Variants in FSTL4 observed in about 807,000 individuals in gnomAD.
FSTL4 encodes follistatin-related protein 4.
Under a neutral mutation model 78.2 loss-of-function variants are expected in FSTL4, and 28 were observed. The observed-to-expected ratio is 0.36, with a 90% CI of 0.27 to 0.49. The LOEUF (loss-of-function observed/expected upper bound fraction) is 0.49, where lower values mean the gene tolerates loss of function less well. Ranked by LOEUF, FSTL4 falls within the 20% of genes least tolerant of loss-of-function variation. The probability of loss-of-function intolerance (pLI) is 0.98; values close to 1 mark genes in which losing one functional copy is unlikely to be tolerated. For synonymous variants in FSTL4, 422 were observed against 440.5 expected (o/e 0.96, Z 0.53); for missense variants, 922 against 1,084.9 (o/e 0.85, Z 2.11).
the FSTL4 span, among the ~76,000 whole-genome samples, chr5:133,644,703 C>A: frequency 6.6e-6 from 1 of 152,138 alleles, no homozygotes; most frequent in African/African-American, 2.4e-5. Flanking sequence ...GGAACCTGTT[C>A]TGCTGGTTAC....
At chr5:133,398,988 G>GC (rs1213714566) in intron 4 of FSTL4, among the ~76,000 whole-genome samples, 2 of 152,302 alleles carry the variant, frequency 1.3e-5, no homozygotes, top group Non-Finnish European at 2.9e-5. Flanking sequence ...AAGGCTGCCT[G>GC]CCCCCCGCTC....
At chr5:133,664,842 G>GA in the FSTL4 span, among the ~76,000 whole-genome samples, 2 of 152,138 alleles carry the variant, frequency 1.3e-5, no homozygotes, top group Admixed American at 1.3e-4. Flanking sequence ...AAACATAGAT[G>GA]AAAAATGACT....
chr5:133,608,460 C>T (rs555490921), intron 1 of FSTL4, among the ~76,000 whole-genome samples: 6 of 152,342 alleles, frequency 3.9e-5, no homozygotes, highest in African/African-American at 9.6e-5. Flanking sequence ...AGAAGGTGGA[C>T]GAATCCACCC....
chr5:133,206,265 A>ATAAG (rs1448468238), intron 14 of FSTL4, among the ~76,000 whole-genome samples: 1 of 152,112 alleles, frequency 6.6e-6, no homozygotes, highest in African/African-American at 2.4e-5. Context: ...TTCTCTTTTC[A>ATAAG]TAAGTCAGTC....
chr5:133,375,235 G>C (rs1467743529), intron 4 of FSTL4, among the ~76,000 whole-genome samples: 1 of 125,442 alleles, frequency 8.0e-6, no homozygotes, highest in African/African-American at 2.8e-5. Flanking sequence ...TGTATAAAGA[G>C]ATCCATTTAT....
intron 3 of FSTL4, among the ~76,000 whole-genome samples, chr5:133,478,048 T>C (rs1757957420): frequency 6.6e-6 from 1 of 152,200 alleles, no homozygotes; most frequent in African/African-American, 2.4e-5. Context: ...CTGTGGTACA[T>C]ATCGTTGTGT....
chr5:133,697,126 G>T, the FSTL4 span, among the ~76,000 whole-genome samples: 1 of 152,220 alleles, frequency 6.6e-6, no homozygotes, highest in Non-Finnish European at 1.5e-5. Flanking sequence ...CTTTGTCTCT[G>T]CCAGTGACTA....
the FSTL4 span, among the ~76,000 whole-genome samples, chr5:133,675,701 C>T: frequency 6.6e-6 from 1 of 152,198 alleles, no homozygotes; most frequent in Non-Finnish European, 1.5e-5. Flanking sequence ...CCCTTCCTGG[C>T]TAGCTTGTAA....
At chr5:133,622,089 T>C in the FSTL4 span, among the ~76,000 whole-genome samples, 8 of 152,330 alleles carry the variant, frequency 5.3e-5, 1 homozygote, top group South Asian at 2.1e-4. Flanking sequence ...AACCTCCATT[T>C]TTTTTTCTCA....
chr5:133,591,071 C>T (rs759995301), intron 2 of FSTL4, among the ~76,000 whole-genome samples: 22 of 152,298 alleles, frequency 1.4e-4, no homozygotes, highest in Admixed American at 3.3e-4. Flanking sequence ...ACCATAGTAC[C>T]CCAGGAGCCA....
the FSTL4 span, among the ~76,000 whole-genome samples, chr5:133,739,163 C>A: frequency 4.6e-5 from 7 of 152,264 alleles, no homozygotes; most frequent in South Asian, 1.5e-3. Context: ...TTAGACTCAA[C>A]TCTCAATTAC....
chr5:133,424,537 G>C (rs1030420489), intron 3 of FSTL4, among the ~76,000 whole-genome samples: 3 of 152,342 alleles, frequency 2.0e-5, no homozygotes, highest in African/African-American at 7.2e-5. Context: ...GGGCACCTGG[G>C]TTCTCTACGA....
chr5:133,441,576 G>T (rs533275932), intron 3 of FSTL4, among the ~76,000 whole-genome samples: 1 of 152,302 alleles, frequency 6.6e-6, no homozygotes, highest in East Asian at 1.9e-4. Context: ...CCACCTGCTT[G>T]GAGGCCTGAG....
chr5:133,539,184 T>G (rs1048940287), intron 3 of FSTL4, among the ~76,000 whole-genome samples: 10 of 151,650 alleles, frequency 6.6e-5, no homozygotes, highest in African/African-American at 2.4e-4. Flanking sequence ...AAAGGTCAAA[T>G]TCATGTTATA....
chr5:133,712,816 G>C, the FSTL4 span, among the ~76,000 whole-genome samples: 1 of 152,232 alleles, frequency 6.6e-6, no homozygotes, highest in African/African-American at 2.4e-5. Context: ...CCACGATGCT[G>C]TGTGGCATCT....
chr5:133,457,881 G>A (rs1474693355), intron 3 of FSTL4: 2 of 152,192 alleles, frequency 1.3e-5, no homozygotes, highest in Admixed American at 6.5e-5. Flanking sequence ...TGTAAATGAG[G>A]AGCAGCCAAT....
the FSTL4 span, among the ~76,000 whole-genome samples, chr5:133,707,520 GA>G: frequency 6.6e-6 from 1 of 152,250 alleles, no homozygotes; most frequent in Non-Finnish European, 1.5e-5. Context: ...AGCTGGCTTG[GA>G]AAGCATCCCT....
intron 6 of FSTL4, among the ~76,000 whole-genome samples, chr5:133,251,715 T>TG (rs1752248075): frequency 6.6e-6 from 1 of 152,210 alleles, no homozygotes; most frequent in South Asian, 2.1e-4. Flanking sequence ...CACTCAGTGA[T>TG]GGACTTTCTG....
chr5:133,336,952 C>T (rs1754476442), intron 4 of FSTL4, among the ~76,000 whole-genome samples: 1 of 152,200 alleles, frequency 6.6e-6, no homozygotes, highest in Non-Finnish European at 1.5e-5. Flanking sequence ...GGATGGAGGG[C>T]TCGCAGTATG....
Sources: gnomAD v4.1 joint callset for allele counts (sites outside exome capture counted in the v4.1 genomes callset) on GRCh38, gnomAD v4.1.1 for gene constraint, MANE v1.5 for transcripts, NCBI Gene and HGNC (gene_info 2026-07-23, HGNC 2026-07-21) for gene names.